SAMD11: variants seen among roughly 807,000 people sequenced by gnomAD.
SAMD11 encodes sterile alpha motif domain-containing protein 11.
In SAMD11, 77 loss-of-function variants were observed where a neutral mutation model predicts 64.4. The ratio of observed to expected loss-of-function variants is 1.20; its 90% CI spans 0.99 to 1.44. SAMD11 has a LOEUF of 1.44. SAMD11 is among the 40% of genes most tolerant of loss of function. The pLI is 0.00. For synonymous variants in SAMD11, 658 were observed against 421.9 expected (o/e 1.56, Z -6.86); for missense variants, 1,402 against 943.3 (o/e 1.49, Z -6.37).
At chr1:928,349 G>C (rs973550773) in intron 2 of SAMD11, among the ~76,000 whole-genome samples, 26 of 152,332 alleles carry the variant, frequency 1.7e-4, no homozygotes, top group Admixed American at 8.5e-4. Context: ...CCCAGATTGT[G>C]CCACCGCACT....
At chr1:933,741 T>TG (rs56190854) in intron 4 of SAMD11, among the ~76,000 whole-genome samples, 94,204 of 151,366 alleles carry the variant, frequency 0.62, 30,612 homozygotes, top group East Asian at 0.79. Flanking sequence ...CCTATGTGCC[T>TG]GGGGGGGGCT....
Position 943,005 on chromosome 1 carries a change from G to A in SAMD11, c.2000G>A (p.Gly667Glu). The change falls in exon 11 of 14, where the codon GGG (glycine) becomes GAG (glutamate). Residue 667 changes from glycine to glutamate, a missense_variant. Transcript: ENST00000616016. ...AGAEGKGLFP[G>E]STLPLGFPYA... ...GCCGAGGGGAAGGGGCTTTTCCCAG[G>A]GTCCACACTGCCCCTGGGCTTCCCT... 1 of 1,537,024 alleles carries A rather than the reference G, an allele frequency of 6.5e-7. No homozygotes were observed. Among genetic ancestry groups the A allele is most frequent in the Non-Finnish European group, 8.7e-7 (1 of 1,145,558 alleles).
rs542161496 is a variant in SAMD11 at position 928,735 on chromosome 1, C to T, written c.610-1420C>T. 2.0e-4 allele frequency among the ~76,000 whole-genome samples: 31 copies of T among 152,382 alleles called. No individual in the cohort carries two copies. The South Asian group carries it at 6.4e-3, about 32-fold the overall frequency. On this transcript the variant is annotated intron_variant, in intron 2 of 13. Transcript: ENST00000616016. ...CGTGGAGAGAGCAGAGGGGACCCAG[C>T]GCAGGCCCAGTGGCCGGTGAGGGGA... is the stretch of plus-strand genomic sequence containing the variant.
intron 4 of SAMD11, among the ~76,000 whole-genome samples, chr1:931,600 T>G (rs1451941035): frequency 1.3e-5 from 2 of 151,790 alleles, no homozygotes; most frequent in Non-Finnish European, 2.9e-5. Flanking sequence ...TCTGGTTCAG[T>G]TGGATGCTGA....
At chr1:940,302 C>CT (rs1553159950) in intron 7 of SAMD11, 3 of 143,326 alleles carry the variant, frequency 2.1e-5, no homozygotes, top group African/African-American at 7.4e-5. Context: ...CGCCGCCCCC[C>CT]CCCCCCGCCC....
In SAMD11 at chr1:942,896, G is replaced by A. The variant is rs1641876333; in HGVS notation, c.1891G>A (p.Asp631Asn). The A allele has an allele frequency of 6.4e-7, 1 of 1,555,676 alleles. No individual in the cohort carries two copies. The highest frequency in any genetic ancestry group is 2.4e-5 in the East Asian group (1 of 41,954). ...TGGCTCGGAAGACGAGCCCCCCAAA[G>A]ACTCGGACGGAGAGGACCCCGAGAC... ...QDGSEDEPPK[D>N]SDGEDPETAA... Residue 631 changes from aspartate (D) to asparagine (N), a missense_variant, in exon 11 of 14, where the codon GAC becomes AAC. By Grantham distance (23) the Asp-to-Asn change is conservative. Coordinates refer to ENST00000616016, the MANE Select transcript of SAMD11 (RefSeq NM_001385641.1).
intron 5 of SAMD11, among the ~76,000 whole-genome samples, chr1:937,860 C>T (rs138060165): frequency 7.0e-4 from 107 of 152,350 alleles, no homozygotes; most frequent in African/African-American, 2.4e-3. Context: ...TGGGATTGAT[C>T]GGTGTGGCCG....
At chr1:937,762 G>A (rs930074530) in intron 5 of SAMD11, among the ~76,000 whole-genome samples, 24 of 152,236 alleles carry the variant, frequency 1.6e-4, no homozygotes, top group Non-Finnish European at 3.1e-4. Flanking sequence ...GGACCAGACC[G>A]TGGGACTGAC....
At position 924,081 on chromosome 1, in the gene SAMD11, C is replaced by G. The variant is rs1311238218; in HGVS notation, c.-351C>G. 6.7e-6 allele frequency: 1 copy of G among 149,442 alleles called. No homozygotes were observed. Among genetic ancestry groups the G allele is most frequent in the Non-Finnish European group, 1.5e-5 (1 of 66,984 alleles). The allele number at this position is 149,442 out of a possible 1,614,324, so 9.3% of individuals were successfully genotyped here. A position where few individuals can be genotyped will look rare whatever the true frequency, so the allele number is the denominator to read the frequency against. On this transcript the variant is annotated 5_prime_UTR_variant, in exon 1 of 14. Transcript: ENST00000616016. ...GCCGGGCTCGGCCTGGCGGGTGGGT[C>G]GGCGAGCCGGGCGTGGGACTGCCCC...
rs1218249503 is a variant in SAMD11 at position 924,034 on chromosome 1, G to A, written c.-398G>A. 4 of 150,342 alleles carry A rather than the reference G, an allele frequency of 2.7e-5. No individual in the cohort carries two copies. Among genetic ancestry groups the A allele is most frequent in the South Asian group, 2.1e-4 (1 of 4,826 alleles). 9.3% of individuals were successfully genotyped at this position (150,342 alleles called of 1,614,324 possible). ...GGGGCTTGGGACCCCCGAGAGGGGCGGGGACTCCGCGACTCCTCGCTGCCG... is the reference window on the plus strand; with the variant it reads ...GGGGCTTGGGACCCCCGAGAGGGGCAGGGACTCCGCGACTCCTCGCTGCCG... On this transcript the variant is annotated 5_prime_UTR_variant, in exon 1 of 14. Coordinates refer to ENST00000616016, the MANE Select transcript of SAMD11 (RefSeq NM_001385641.1).
At chr1:931,261 G>T (rs532269996) in intron 4 of SAMD11, among the ~76,000 whole-genome samples, 172 bp downstream of exon 4, 4 of 151,844 alleles carry the variant, frequency 2.6e-5, no homozygotes, top group Admixed American at 6.6e-5. Flanking sequence ...CCCCCATCCC[G>T]GGAGGCAGAC....
chr1:937,523 C>T (rs936919700), intron 5 of SAMD11, among the ~76,000 whole-genome samples: 1 of 152,102 alleles, frequency 6.6e-6, no homozygotes, highest in South Asian at 2.1e-4. Flanking sequence ...GCCTTGCTAA[C>T]CCTGAGGGCA....
chr1:929,147 C>T (rs552006399), intron 2 of SAMD11, among the ~76,000 whole-genome samples: 4 of 152,328 alleles, frequency 2.6e-5, no homozygotes, highest in South Asian at 2.1e-4. Context: ...TGGAGGAGTC[C>T]GGAAGTGCCT....
At chr1:942,007 G>A in intron 8 of SAMD11, 129 bp from the exon 9 acceptor site, 4 of 407,280 alleles carry the variant, frequency 9.8e-6, no homozygotes, top group East Asian at 3.7e-5. Flanking sequence ...GCGCGACCTG[G>A]GGCCGTAACG....
chr1:938,585 C>G (rs1641582480), intron 5 of SAMD11, among the ~76,000 whole-genome samples: 2 of 152,140 alleles, frequency 1.3e-5, no homozygotes, highest in African/African-American at 2.4e-5. Flanking sequence ...CACAGAGCAG[C>G]AAGAGGTCAG....
At chr1:933,732 C>T (rs1006031927) in intron 4 of SAMD11, among the ~76,000 whole-genome samples, 1 of 110,994 alleles carries the variant, frequency 9.0e-6, no homozygotes, top group South Asian at 3.3e-4. Flanking sequence ...AGCTGCCTTC[C>T]TATGTGCCTG....
At chr1:938,328 C>T (rs1322794014) in intron 5 of SAMD11, among the ~76,000 whole-genome samples, 1 of 152,268 alleles carries the variant, frequency 6.6e-6, no homozygotes, top group African/African-American at 2.4e-5. Flanking sequence ...GTGTTTGGGG[C>T]TAGGGCTGGG....
At chr1:931,137 C>T in intron 4 of SAMD11, 48 bp downstream of exon 4, 2 of 1,493,128 alleles carry the variant, frequency 1.3e-6, no homozygotes, top group Admixed American at 1.7e-5. Context: ...GACTCCCCTC[C>T]CTCCCTCCCA....
At chr1:931,146 C>CTCCA (rs2100310476) in intron 4 of SAMD11, 57 bp downstream of exon 4, 1 of 1,522,646 alleles carries the variant, frequency 6.6e-7, no homozygotes, top group Non-Finnish European at 9.1e-7. Context: ...CCCTCCCTCC[C>CTCCA]ACCCCTGACC....
Sources: allele counts gnomAD v4.1 joint callset (sites outside exome capture counted in the v4.1 genomes callset), GRCh38; gene constraint gnomAD v4.1.1; transcripts MANE v1.5; gene names NCBI Gene and HGNC (gene_info 2026-07-23, HGNC 2026-07-21).